MAP2: variants seen among roughly 807,000 people sequenced by gnomAD.
The protein encoded by MAP2 is microtubule associated protein 2, also known as microtubule-associated protein 2.
A neutral mutation model predicts 137.6 loss-of-function variants in MAP2; 14 were observed. The observed-to-expected ratio is 0.10, with a 90% CI of 0.07 to 0.16. MAP2 has a LOEUF of 0.16. Among genes scored for constraint, MAP2 ranks in the 10% least tolerant of loss-of-function variants. The probability of loss-of-function intolerance (pLI) is 1.00; values close to 1 mark genes in which losing one functional copy is unlikely to be tolerated. For missense variants in MAP2, 2,088 were observed against 2,191.5 expected (o/e 0.95, Z 0.94); for synonymous variants, 786 against 782.3 (o/e 1.00, Z -0.08).
At chr2:209,679,368 CAGAT>C (rs1034709094) in intron 6 of MAP2, among the ~76,000 whole-genome samples, 6 of 140,632 alleles carry the variant, frequency 4.3e-5, no homozygotes, top group Non-Finnish European at 6.1e-5. Flanking sequence ...GATAGATAGG[CAGAT>C]AGATAGATAG....
At chr2:209,656,156 A>C (rs1012686777) in intron 5 of MAP2, among the ~76,000 whole-genome samples, 7 of 152,126 alleles carry the variant, frequency 4.6e-5, no homozygotes, top group African/African-American at 1.7e-4. Context: ...ACCCATAGTC[A>C]GTGTATCCTT....
At chr2:209,569,053 C>T (rs774834994) in intron 2 of MAP2, among the ~76,000 whole-genome samples, 5 of 151,398 alleles carry the variant, frequency 3.3e-5, no homozygotes, top group Admixed American at 6.6e-5. Context: ...AGAAAAACTG[C>T]TAGAATAATT....
intron 4 of MAP2, among the ~76,000 whole-genome samples, chr2:209,652,399 A>T (rs1222442791): frequency 6.6e-6 from 1 of 152,216 alleles, no homozygotes; most frequent in Non-Finnish European, 1.5e-5. Flanking sequence ...ATTAATAGAA[A>T]ATGTCATTTC....
intron 1 of MAP2, among the ~76,000 whole-genome samples, chr2:209,490,846 A>G (rs1435652243): frequency 6.6e-6 from 1 of 152,056 alleles, no homozygotes; most frequent in Non-Finnish European, 1.5e-5. Context: ...CCACACAATA[A>G]TAGTGGGAGA....
At chr2:209,614,547 A>G (rs943315497) in intron 3 of MAP2, among the ~76,000 whole-genome samples, 1 of 152,148 alleles carries the variant, frequency 6.6e-6, no homozygotes, top group African/African-American at 2.4e-5. Context: ...AACACTTGGG[A>G]GTGATAACAT....
chr2:209,537,519 A>G (rs2066162062), intron 2 of MAP2, among the ~76,000 whole-genome samples: 1 of 152,228 alleles, frequency 6.6e-6, no homozygotes, highest in African/African-American at 2.4e-5. Flanking sequence ...GATTTTCTGG[A>G]TAATGCAATT....
intron 3 of MAP2, among the ~76,000 whole-genome samples, chr2:209,618,398 A>G (rs1314039038): frequency 6.6e-6 from 1 of 152,204 alleles, no homozygotes; most frequent in Non-Finnish European, 1.5e-5. Context: ...TGAGAAATTT[A>G]TATTTTGTCA....
intron 1 of MAP2, among the ~76,000 whole-genome samples, chr2:209,429,113 C>T (rs1198354719): frequency 6.6e-6 from 1 of 151,970 alleles, no homozygotes; most frequent in Non-Finnish European, 1.5e-5. Context: ...GCCACCGCTC[C>T]CGGCTAATTT....
At chr2:209,464,234 G>A (rs941898775) in intron 1 of MAP2, among the ~76,000 whole-genome samples, 4 of 152,078 alleles carry the variant, frequency 2.6e-5, no homozygotes, top group African/African-American at 9.7e-5. Context: ...CTTGTCCCTT[G>A]TTGACATAGC....
At chr2:209,529,652 G>C (rs2064786604) in intron 2 of MAP2, among the ~76,000 whole-genome samples, 4 of 151,976 alleles carry the variant, frequency 2.6e-5, no homozygotes, top group Non-Finnish European at 5.9e-5. Context: ...AAAATAAGTG[G>C]GAGGCAAGCA....
intron 2 of MAP2, among the ~76,000 whole-genome samples, chr2:209,566,254 A>G (rs1351637104): frequency 1.3e-5 from 2 of 152,194 alleles, no homozygotes; most frequent in African/African-American, 4.8e-5. Context: ...GACTTGCTGT[A>G]TCTAGCAAAT....
chr2:209,489,549 A>G (rs1353647033), intron 1 of MAP2, among the ~76,000 whole-genome samples: 4 of 152,194 alleles, frequency 2.6e-5, no homozygotes, highest in African/African-American at 9.6e-5. Flanking sequence ...CCTTGATAAA[A>G]GGTTAGAGGA....
chr2:209,668,755 G>A (rs2047439299), intron 5 of MAP2, among the ~76,000 whole-genome samples: 1 of 152,064 alleles, frequency 6.6e-6, no homozygotes, highest in Admixed American at 6.6e-5. Flanking sequence ...TTTTTCCAGT[G>A]AAGGTGCTCC....
In MAP2 at chr2:209,731,996, T is replaced by C. The variant is rs1025857481; in HGVS notation, c.*1599T>C. 3 of 152,198 alleles carry C rather than the reference T, an allele frequency of 2.0e-5. No homozygotes were observed. Among genetic ancestry groups the C allele is most frequent in the Non-Finnish European group, 4.4e-5 (3 of 68,036 alleles). 9.4% of individuals were successfully genotyped at this position (152,198 alleles called of 1,614,324 possible). Reference sequence around the variant, plus strand: ...TCTCACAAATCATTCATCTTAGACTTACAAATAAGGAATGAAATAGTCAAT... The same window carrying C: ...TCTCACAAATCATTCATCTTAGACTCACAAATAAGGAATGAAATAGTCAAT... On this transcript the variant is annotated 3_prime_UTR_variant, in exon 16 of 16. Transcript: ENST00000682079.
At position 209,438,900 on chromosome 2, in the gene MAP2, A is replaced by G. The variant is rs529540205; in HGVS notation, c.-222+14624A>G. Among the ~76,000 whole-genome samples, 320 of 151,232 alleles carry G rather than the reference A, an allele frequency of 2.1e-3. 2 individuals are homozygous for G. The highest frequency in any genetic ancestry group is 7.3e-3 in the African/African-American group (303 of 41,422). On this transcript the variant is annotated intron_variant, in intron 1 of 15. Coordinates refer to ENST00000682079, the MANE Select transcript of MAP2 (RefSeq NM_001375505.1). ...AATTTTTGGATAACTACATTATATT[A>G]TTATTTATAATATAATCTAATAATA...
chr2:209,533,508 G>A (rs7594825), intron 2 of MAP2, among the ~76,000 whole-genome samples: 44,460 of 152,154 alleles, frequency 0.29, 11,705 homozygotes, highest in African/African-American at 0.7. Context: ...ACAGAACAGT[G>A]TAAAGAAACA....
At chr2:209,659,822 AG>A (rs2042577676) in intron 5 of MAP2, among the ~76,000 whole-genome samples, 2 of 151,480 alleles carry the variant, frequency 1.3e-5, no homozygotes. Context: ...GTGGATCACG[AG>A]GTCAGGAGAT....
chr2:209,600,198 G>C (rs935190537), intron 3 of MAP2, among the ~76,000 whole-genome samples: 1 of 152,054 alleles, frequency 6.6e-6, no homozygotes, highest in African/African-American at 2.4e-5. Context: ...AACAAAAAAA[G>C]CCCACACACA....
chr2:209,686,169 C>A (rs1037423554), intron 7 of MAP2, among the ~76,000 whole-genome samples: 1 of 152,134 alleles, frequency 6.6e-6, no homozygotes, highest in Non-Finnish European at 1.5e-5. Context: ...GCTGCGAAAT[C>A]GTGCCGAGTT....
Sources: gnomAD v4.1 joint callset for allele counts (sites outside exome capture counted in the v4.1 genomes callset) on GRCh38, gnomAD v4.1.1 for gene constraint, MANE v1.5 for transcripts, NCBI Gene and HGNC (gene_info 2026-07-23, HGNC 2026-07-21) for gene names.